NOS1: variants seen among roughly 807,000 people sequenced by gnomAD.
The protein encoded by NOS1 is nitric oxide synthase 1.
Under a neutral mutation model 164.5 loss-of-function variants are expected in NOS1, and 51 were observed. That is an observed-to-expected ratio of 0.31 (90% confidence interval 0.25 to 0.39). The LOEUF (loss-of-function observed/expected upper bound fraction) is 0.39. Ranked by LOEUF, NOS1 falls within the 10% of genes least tolerant of loss-of-function variation. The probability of loss-of-function intolerance (pLI) is 1.00; values close to 1 mark genes in which losing one functional copy is unlikely to be tolerated. For missense variants in NOS1, 1,362 were observed against 1,885.6 expected (o/e 0.72, Z 5.14); for synonymous variants, 719 against 745.8 (o/e 0.96, Z 0.59).
At chr12:117,261,042 G>T (rs9658419) in intron 13 of NOS1, among the ~76,000 whole-genome samples, 1 of 151,872 alleles carries the variant, frequency 6.6e-6, no homozygotes, top group African/African-American at 2.4e-5. Flanking sequence ...GGCAGCGTGC[G>T]CCTGTAGTCC....
At chr12:117,218,727 C>T (rs1232353288) in intron 27 of NOS1, among the ~76,000 whole-genome samples, 1 of 152,080 alleles carries the variant, frequency 6.6e-6, no homozygotes, top group Non-Finnish European at 1.5e-5. Flanking sequence ...AGAAGAACCT[C>T]CCCCGGAGTC....
chr12:117,253,387 T>C (rs1296762756), intron 17 of NOS1, among the ~76,000 whole-genome samples: 4 of 151,966 alleles, frequency 2.6e-5, no homozygotes, highest in Admixed American at 1.3e-4. Context: ...GGGTGAACCT[T>C]GGGTAATGGG....
intron 2 of NOS1, among the ~76,000 whole-genome samples, chr12:117,322,891 G>GCCTC (rs147707829): frequency 0.37 from 51,158 of 137,306 alleles, 9,367 homozygotes; most frequent in Middle Eastern, 0.47. Flanking sequence ...ATTCTTCCTT[G>GCCTC]CCTCCCTCCC....
In NOS1 at chr12:117,246,227, G is replaced by A. The variant is rs1435985776; in HGVS notation, c.2823+1121C>T. 5.2e-5 allele frequency: 8 copies of A among 154,748 alleles called. No homozygotes were observed. The Admixed American group carries it at 5.2e-4, about 10-fold the overall frequency. The allele number at this position is 154,748 out of a possible 1,614,324, so 9.6% of individuals were successfully genotyped here. A position where few individuals can be genotyped will look rare whatever the true frequency, so the allele number is the denominator to read the frequency against. ...CTTTAGTGGTTTCCTGGTGAGGTGG[G>A]GATGCAGAGTCTGTCACTCTATTCT... On this transcript the variant is annotated intron_variant, in intron 18 of 28. Transcript: ENST00000317775.
intron 3 of NOS1, among the ~76,000 whole-genome samples, chr12:117,311,134 G>A (rs1047789626): frequency 6.6e-6 from 1 of 152,158 alleles, no homozygotes; most frequent in Non-Finnish European, 1.5e-5. Context: ...CAAAATGCTG[G>A]GGTTACAGGC....
intron 2 of NOS1, among the ~76,000 whole-genome samples, chr12:117,323,597 C>A (rs1875092613): frequency 6.6e-6 from 1 of 152,090 alleles, no homozygotes; most frequent in Non-Finnish European, 1.5e-5. Context: ...GAGACTGTAG[C>A]ATGGAGCCAG....
Position 117,259,119 on chromosome 12 carries a change from C to T in NOS1, c.2379G>A (p.Met793Ile). ...KHAFDAKVMS[M>I]EEYDIVHLEH... ...CCAGGTGCACAATGTCATATTCTTC[C>T]ATGGACATCACCTAGGTGGGCAGGG... Residue 793 changes from methionine (M) to isoleucine (I), a missense_variant, in exon 15 of 29, where the codon ATG (methionine) becomes ATA (isoleucine). Physicochemically the swap from Met to Ile is conservative, Grantham distance 10 (BLOSUM62 1). Around this residue, in one of 4 missense-constraint regions of NOS1, gnomAD observed 737 missense variants for 1,030.3 expected, o/e 0.72. Transcript: ENST00000317775. 1 of 1,613,348 alleles carries T rather than the reference C, an allele frequency of 6.2e-7. No individual in the cohort carries two copies. Among genetic ancestry groups the T allele is most frequent in the Non-Finnish European group, 8.5e-7 (1 of 1,179,394 alleles).
chr12:117,214,039 C>G lies in NOS1; in HGVS notation c.*1270G>C, dbSNP rs55848937. On this transcript the variant is annotated 3_prime_UTR_variant, in exon 29 of 29. Coordinates refer to ENST00000317775, the MANE Select transcript of NOS1 (RefSeq NM_000620.5). ...TTTGGAGATCAACTGCAGAGGGCAA[C>G]AAGCCTGAGGGACAAGTTCTTCCCA... 1 of 985,276 alleles carries G rather than the reference C, an allele frequency of 1.0e-6. No homozygotes were observed. Among genetic ancestry groups the G allele is most frequent in the African/African-American group, 1.7e-5 (1 of 57,220 alleles). The allele number at this position is 985,276 out of a possible 1,614,324, so 61.0% of individuals were successfully genotyped here. A position where few individuals can be genotyped will look rare whatever the true frequency, so the allele number is the denominator to read the frequency against.
At chr12:117,299,433 T>C (rs1490655474) in intron 3 of NOS1, among the ~76,000 whole-genome samples, 1 of 151,106 alleles carries the variant, frequency 6.6e-6, no homozygotes, top group Non-Finnish European at 1.5e-5. Context: ...GGTCAGGAGA[T>C]CAAGACCATC....
At chr12:117,282,268 A>G (rs1466083899) in intron 7 of NOS1, among the ~76,000 whole-genome samples, 1 of 151,982 alleles carries the variant, frequency 6.6e-6, no homozygotes, top group African/African-American at 2.4e-5. Context: ...GTTCAATGTC[A>G]TCTCACAGCA....
At position 117,211,570 on chromosome 12, in the gene NOS1, C is replaced by T. The variant is rs562544729; in HGVS notation, c.*3739G>A. ...CACTCACCTCTCCCCACGGTCTGGT[C>T]CCAGCCCACCTTTTCTCACCCTCCT... On this transcript the variant is annotated 3_prime_UTR_variant, in exon 29 of 29. Transcript: ENST00000317775. The T allele has an allele frequency of 1.0e-6, 1 of 985,602 alleles. No individual in the cohort carries two copies. The highest frequency in any genetic ancestry group is 1.2e-6 in the Non-Finnish European group (1 of 830,048). The allele number at this position is 985,602 out of a possible 1,614,324, so 61.1% of individuals were successfully genotyped here. A position where few individuals can be genotyped will look rare whatever the true frequency, so the allele number is the denominator to read the frequency against.
intron 9 of NOS1, among the ~76,000 whole-genome samples, chr12:117,274,287 G>A (rs769930217): frequency 2.6e-5 from 4 of 152,094 alleles, no homozygotes; most frequent in Non-Finnish European, 5.9e-5. Flanking sequence ...CAGTTAGGAC[G>A]GCAATTATAA....
At chr12:117,325,309 C>G (rs78930185) in intron 2 of NOS1, among the ~76,000 whole-genome samples, 1 of 152,094 alleles carries the variant, frequency 6.6e-6, no homozygotes, top group Admixed American at 6.5e-5. Flanking sequence ...AGAGTGACCC[C>G]GAAGAACATT....
chr12:117,307,317 C>T (rs1372824677), intron 3 of NOS1, among the ~76,000 whole-genome samples: 1 of 152,102 alleles, frequency 6.6e-6, no homozygotes, highest in Non-Finnish European at 1.5e-5. Context: ...AAAAGAAAGA[C>T]TTTTGTGTGT....
rs763519078 is a variant in NOS1, at chr12:117,263,943, C to G, written c.2168G>C (p.Gly723Ala). The stretch of plus-strand genomic sequence containing the variant: ...CCGCTTTGTGGGGGTCCCGTTGGTG[C>G]CTTTCCAGACATGCGTGTTCCAGGG... ...PDPWNTHVWK[G>A]TNGTPTKRRA... is the part of the protein sequence containing the mutation. Residue 723 changes from glycine (G) to alanine (A), a missense_variant, in exon 13 of 29, where the codon GGC becomes GCC. Physicochemically the swap from Gly to Ala is moderately conservative, Grantham distance 60. Transcript: ENST00000317775. 6.2e-7 allele frequency: 1 copy of G among 1,613,868 alleles called. No homozygotes were observed. The highest frequency in any genetic ancestry group is 2.2e-5 in the East Asian group (1 of 44,860).
rs1035161530 is a variant in NOS1 at position 117,210,831 on chromosome 12, G to C, written c.*4478C>G. 5.7e-5 allele frequency: 56 copies of C among 985,458 alleles called. No individual in the cohort carries two copies. The African/African-American group carries it at 9.4e-4, about 17-fold the overall frequency. 61.0% of individuals were successfully genotyped at this position (985,458 alleles called of 1,614,324 possible). ...ATCTGGGCATGGCTGGACTTGGGAA[G>C]GATTCACCCTGTTGACTCCAGAGAA... On this transcript the variant is annotated 3_prime_UTR_variant, in exon 29 of 29. Transcript: ENST00000317775.
At chr12:117,263,826 C>T (rs1872137068) in intron 13 of NOS1, 63 bp downstream of exon 13, 2 of 1,298,968 alleles carry the variant, frequency 1.5e-6, no homozygotes, top group Non-Finnish European at 2.2e-6. Context: ...GCCCAGCCTC[C>T]TTCTCTGGGT....
intron 25 of NOS1, among the ~76,000 whole-genome samples, chr12:117,224,086 T>C (rs1456633717): frequency 6.6e-6 from 1 of 152,244 alleles, no homozygotes; most frequent in East Asian, 1.9e-4. Flanking sequence ...ATGTTAGCTA[T>C]TCCGCTAGAA....
chr12:117,293,872 T>C (rs1456405940), intron 3 of NOS1, among the ~76,000 whole-genome samples: 1 of 152,176 alleles, frequency 6.6e-6, no homozygotes, highest in African/African-American at 2.4e-5. Context: ...TGTGCCCATG[T>C]TTCCCTAGGA....
Sources: gnomAD v4.1 joint callset for allele counts (sites outside exome capture counted in the v4.1 genomes callset) on GRCh38, gnomAD v4.1.1 for gene constraint, gnomAD v4.1.1 regional missense constraint, MANE v1.5 for transcripts, NCBI Gene and HGNC (gene_info 2026-07-23, HGNC 2026-07-21) for gene names.